Variants in LAMC1 observed in about 807,000 individuals in gnomAD.
The protein encoded by LAMC1 is laminin subunit gamma-1.
Under a neutral mutation model 173.6 loss-of-function variants are expected in LAMC1, and 38 were observed. That is an observed-to-expected ratio of 0.22 (90% confidence interval 0.17 to 0.29). The LOEUF is 0.29. Ranked by LOEUF, LAMC1 falls within the 10% of genes least tolerant of loss-of-function variation. The pLI is 1.00. For missense variants in LAMC1, 1,824 were observed against 2,051.8 expected, an observed-to-expected ratio of 0.89 and a Z score of 2.14; for synonymous variants, 746 against 749.1, an observed-to-expected ratio of 1.00 and a Z score of 0.07.
rs770386140 is a variant in LAMC1, at chr1:183,093,870, T to G, written c.419-9458T>G. On this transcript the variant is annotated intron_variant, in intron 1 of 27. Transcript: ENST00000258341. ...AATATGTCCAAAATACCATTATCTG[T>G]TAGCTGGATTGTTGCAAAACTCATC... Among the ~76,000 whole-genome samples the G allele has an allele frequency of 3.3e-5, 5 of 152,200 alleles. No homozygotes were observed. The East Asian group carries it at 9.6e-4, about 29-fold the overall frequency.
intron 1 of LAMC1, among the ~76,000 whole-genome samples, chr1:183,037,240 AT>A (rs1654007209): frequency 6.6e-6 from 1 of 152,134 alleles, no homozygotes; most frequent in Non-Finnish European, 1.5e-5. Flanking sequence ...ACCCTACCTC[AT>A]TTCCTGAGGG....
rs146525134 is a variant in LAMC1, at chr1:183,028,077, A to G, written c.418+3943A>G. Among the ~76,000 whole-genome samples, 473 of 152,204 alleles carry G rather than the reference A, an allele frequency of 3.1e-3. 2 individuals carry two copies. Among genetic ancestry groups the G allele is most frequent in the African/African-American group, 0.011 (458 of 41,526 alleles). On this transcript the variant is annotated intron_variant, in intron 1 of 27. Coordinates refer to ENST00000258341, the MANE Select transcript of LAMC1 (RefSeq NM_002293.4). ...TCTACAGTTCACTGCTTTTTCTCCA[A>G]ATTCCTTCTCCATTCTAAGGGCATT...
In LAMC1 at chr1:183,137,796, A is replaced by G. The variant is rs746373966; in HGVS notation, c.4442A>G (p.Asp1481Gly). 6.2e-7 allele frequency: 1 copy of G among 1,611,106 alleles called. No individual in the cohort carries two copies. The highest frequency in any genetic ancestry group is 1.1e-5 in the South Asian group (1 of 90,662). The change falls in exon 26 of 28, where the codon GAC (aspartate) becomes GGC (glycine). Residue 1481 changes from aspartate (D) to glycine (G), a missense_variant. Coordinates refer to ENST00000258341, the MANE Select transcript of LAMC1 (RefSeq NM_002293.4). Reference sequence around the variant, plus strand: ...AAAGAGCTAAAGAGAAAACAAGATGACGCTGACCAGGACATGATGATGGCA... The same window carrying G: ...AAAGAGCTAAAGAGAAAACAAGATGGCGCTGACCAGGACATGATGATGGCA... ...AEKELKRKQD[D>G]ADQDMMMAGM...
Position 183,126,153 on chromosome 1 carries a change from G to A in LAMC1, c.2835G>A (p.Gly945=). ...CDCHALGSTN[G]QCDIRTGQCE... is the part of the protein sequence containing the mutation. ...GCCATGCCTTGGGCTCCACCAATGG[G>A]CAGTGTGACATCCGCACCGGCCAGT... Residue 945 remains glycine, a synonymous_variant, in exon 16 of 28, where the codon GGG becomes GGA. Transcript: ENST00000258341. The A allele has an allele frequency of 1.2e-6, 2 of 1,614,202 alleles. No homozygotes were observed. Among genetic ancestry groups the A allele is most frequent in the Non-Finnish European group, 1.7e-6 (2 of 1,180,028 alleles).
chr1:183,097,247 A>G (rs1275133621), intron 1 of LAMC1, among the ~76,000 whole-genome samples: 1 of 152,208 alleles, frequency 6.6e-6, no homozygotes, highest in Non-Finnish European at 1.5e-5. Flanking sequence ...GATCCCATTT[A>G]GTAGCCTAAA....
At chr1:183,034,407 A>G (rs113832147) in intron 1 of LAMC1, among the ~76,000 whole-genome samples, 3,909 of 151,926 alleles carry the variant, frequency 0.026, 190 homozygotes, top group African/African-American at 0.09. Flanking sequence ...AGTAGCTGGG[A>G]CTCTACAGGT....
chr1:183,103,421 C>T lies in LAMC1; in HGVS notation c.512C>T (p.Pro171Leu), dbSNP rs760015920. Residue 171 changes from proline to leucine, a missense_variant, in exon 2 of 28, where the codon CCC becomes CTC. Physicochemically the swap from Pro to Leu is moderately conservative, Grantham distance 98. Transcript: ENST00000258341. ...TACAAGCGCACACGGGAAGACGGGC[C>T]CTGGATTCCTTACCAGTACTACAGT... ...AIYKRTREDG[P>L]WIPYQYYSGS... 6.2e-7 allele frequency: 1 copy of T among 1,614,062 alleles called. No homozygotes were observed. Among genetic ancestry groups the T allele is most frequent in the African/African-American group, 1.3e-5 (1 of 74,924 alleles).
intron 1 of LAMC1, among the ~76,000 whole-genome samples, chr1:183,100,192 T>A (rs1285592723): frequency 6.6e-6 from 1 of 152,190 alleles, no homozygotes; most frequent in Non-Finnish European, 1.5e-5. Flanking sequence ...TTTCTCTCCA[T>A]TCCTCTGTTC....
At chr1:183,097,467 A>G (rs1436314109) in intron 1 of LAMC1, among the ~76,000 whole-genome samples, 1 of 152,144 alleles carries the variant, frequency 6.6e-6, no homozygotes, top group African/African-American at 2.4e-5. Context: ...GCATTTTGCA[A>G]TTTTGTAAAA....
chr1:183,055,446 G>A (rs10797825), intron 1 of LAMC1, among the ~76,000 whole-genome samples: 76,123 of 151,624 alleles, frequency 0.5, 19,735 homozygotes, highest in South Asian at 0.64. Context: ...TGTAAAAAAA[G>A]TTAGGGTAAA....
Position 183,136,449 on chromosome 1 carries a change from C to T in LAMC1, c.4178C>T (p.Ala1393Val). 6.2e-7 allele frequency: 1 copy of T among 1,614,184 alleles called. No individual in the cohort carries two copies. The highest frequency in any genetic ancestry group is 8.5e-7 in the Non-Finnish European group (1 of 1,180,028). The change falls in exon 25 of 28, where the codon GCC becomes GTC. Residue 1393 changes from alanine to valine, a missense_variant. Transcript: ENST00000258341. ...AAEEALRKIP[A>V]INQTITEANE... ...GAGGAGGCACTAAGGAAGATTCCTG[C>T]CATCAACCAGACCATCACTGAAGCC... is the stretch of plus-strand genomic sequence containing the variant.
In LAMC1 at chr1:183,057,302, T is replaced by A. The variant is rs1283186210; in HGVS notation, c.418+33168T>A. On this transcript the variant is annotated intron_variant, in intron 1 of 27. Coordinates refer to ENST00000258341, the MANE Select transcript of LAMC1 (RefSeq NM_002293.4). ...TGTCTGTTTCACAGCTTTCTGGATG[T>A]GGTGAGGGACTTTATTTGGTCAGCC... 2.0e-5 allele frequency among the ~76,000 whole-genome samples: 3 copies of A among 152,370 alleles called. No individual in the cohort carries two copies. In the East Asian group the frequency reaches 5.8e-4, roughly 29 times the overall value.
chr1:183,089,809 TG>T (rs1655521689), intron 1 of LAMC1, among the ~76,000 whole-genome samples: 1 of 152,226 alleles, frequency 6.6e-6, no homozygotes, highest in Non-Finnish European at 1.5e-5. Context: ...ATAAAGTTTA[TG>T]GGGGCCCATT....
chr1:183,134,711 G>A lies in LAMC1; in HGVS notation c.3901G>A (p.Asp1301Asn), dbSNP rs1656889354. 1 of 1,612,886 alleles carries A rather than the reference G, an allele frequency of 6.2e-7. No individual in the cohort carries two copies. The highest frequency in any genetic ancestry group is 2.2e-5 in the East Asian group (1 of 44,878). The change falls in exon 23 of 28, where the codon GAC becomes AAC. Residue 1301 changes from aspartate (D) to asparagine (N), a missense_variant. Transcript: ENST00000258341. The part of the protein sequence containing the change: ...MEAENLEQLI[D>N]QKLKDYEDLR... ...AGCTGAGAATCTGGAACAACTGATTGACCAGAAATTAAAAGATTATGAGGA... is the reference window on the plus strand; with the variant it reads ...AGCTGAGAATCTGGAACAACTGATTAACCAGAAATTAAAAGATTATGAGGA...
chr1:183,035,585 T>C (rs1295887903), intron 1 of LAMC1, among the ~76,000 whole-genome samples: 1 of 152,246 alleles, frequency 6.6e-6, no homozygotes, highest in African/African-American at 2.4e-5. Context: ...AAGGAATTTA[T>C]TGAATTTGAG....
Position 183,117,230 on chromosome 1 carries a change from G to A in LAMC1, c.1565-90G>A, listed in dbSNP as rs1249447178. 1.0e-5 allele frequency: 14 copies of A among 1,381,790 alleles called. No homozygotes were observed. In the South Asian group the frequency reaches 1.4e-4, roughly 13 times the overall value. 85.6% of individuals were successfully genotyped at this position (1,381,790 alleles called of 1,614,324 possible). On this transcript the variant is annotated intron_variant, in intron 8 of 27. Coordinates refer to ENST00000258341, the MANE Select transcript of LAMC1 (RefSeq NM_002293.4). The stretch of plus-strand genomic sequence containing the variant: ...ATTGATGCCTTTCTGTATACAAGGT[G>A]TGGTCTTACACATTTTTATGATACA...
intron 1 of LAMC1, among the ~76,000 whole-genome samples, chr1:183,066,482 TCTA>T (rs1284902014): frequency 2.0e-5 from 3 of 152,212 alleles, no homozygotes; most frequent in African/African-American, 7.2e-5. Context: ...TATAAATCAT[TCTA>T]CTATAAAGAC....
chr1:183,086,098 C>T (rs112574410), intron 1 of LAMC1, among the ~76,000 whole-genome samples: 6,927 of 152,200 alleles, frequency 0.046, 340 homozygotes, highest in African/African-American at 0.12. Context: ...ATACAGGCCT[C>T]ATTTATGCTA....
At chr1:183,055,653 A>T (rs1175829624) in intron 1 of LAMC1, among the ~76,000 whole-genome samples, 1 of 151,956 alleles carries the variant, frequency 6.6e-6, no homozygotes, top group African/African-American at 2.4e-5. Flanking sequence ...CTGTACTAAA[A>T]ATACAAAAAT....
Sources: allele counts gnomAD v4.1 joint callset (sites outside exome capture counted in the v4.1 genomes callset), GRCh38; gene constraint gnomAD v4.1.1; transcripts MANE v1.5; gene names NCBI Gene and HGNC (gene_info 2026-07-23, HGNC 2026-07-21).